KCNQ5: variants seen among roughly 807,000 people sequenced by gnomAD.
The protein encoded by KCNQ5 is potassium voltage-gated channel subfamily KQT member 5.
KCNQ5 carries 30 observed loss-of-function variants against 98.2 expected under a neutral mutation model. That is an observed-to-expected ratio of 0.31 (90% confidence interval 0.23 to 0.41). The LOEUF (loss-of-function observed/expected upper bound fraction) is 0.41. Ranked by LOEUF, KCNQ5 falls within the 10% of genes least tolerant of loss-of-function variation. KCNQ5 has a pLI of 1.00. For missense variants in KCNQ5, 835 were observed against 1,182.5 expected (o/e 0.71, Z 4.31); for synonymous variants, 458 against 449.4 (o/e 1.02, Z -0.24).
At chr6:72,636,182 A>G (rs1478451633) in intron 1 of KCNQ5, among the ~76,000 whole-genome samples, 4 of 152,206 alleles carry the variant, frequency 2.6e-5, no homozygotes, top group African/African-American at 9.6e-5. Context: ...ATGTGGAATT[A>G]TTATATAAAA....
intron 1 of KCNQ5, among the ~76,000 whole-genome samples, chr6:72,798,226 A>G (rs1371105459): frequency 1.3e-5 from 2 of 152,180 alleles, no homozygotes; most frequent in Admixed American, 1.3e-4. Flanking sequence ...TCTTATCTCA[A>G]TATTTCCTTG....
chr6:73,187,894 C>G (rs1223041895), intron 11 of KCNQ5, among the ~76,000 whole-genome samples: 1 of 152,108 alleles, frequency 6.6e-6, no homozygotes, highest in Non-Finnish European at 1.5e-5. Flanking sequence ...CAACAAGCAA[C>G]TTTTGATGAA....
At position 73,063,686 on chromosome 6, in the gene KCNQ5, T is replaced by TAGATAGATAGATGATAGATAGATA. The variant is rs55995543; in HGVS notation, c.617-13636_617-13635insAGATAGATAGATGATAGATAGATA. ...GATAGATGATAGATAGATAGATAGA[T>TAGATAGATAGATGATAGATAGATA]GATAGATAGATAGATAGATAGATAG... On this transcript the variant is annotated intron_variant, in intron 3 of 13. Coordinates refer to ENST00000370398, the MANE Select transcript of KCNQ5 (RefSeq NM_019842.4). Among the ~76,000 whole-genome samples the TAGATAGATAGATGATAGATAGATA allele has an allele frequency of 2.5e-4, 23 of 93,288 alleles. 1 individual carries two copies. The highest frequency in any genetic ancestry group is 1.4e-3 in the South Asian group (3 of 2,174). The allele number at this position is 93,288 out of a possible 152,430, so 61.2% of individuals were successfully genotyped here. A position where few individuals can be genotyped will look rare whatever the true frequency, so the allele number is the denominator to read the frequency against.
intron 1 of KCNQ5, among the ~76,000 whole-genome samples, chr6:72,730,028 G>A (rs1407982255): frequency 2.0e-5 from 3 of 152,084 alleles, no homozygotes; most frequent in Non-Finnish European, 4.4e-5. Flanking sequence ...ATGGTGATGT[G>A]AACCTGTACT....
intron 1 of KCNQ5, among the ~76,000 whole-genome samples, chr6:72,736,517 T>TTTTTTTTTTA (rs1770844667): frequency 2.1e-5 from 3 of 145,246 alleles, no homozygotes; most frequent in African/African-American, 8.0e-5. Flanking sequence ...TTTTTTTTTT[T>TTTTTTTTTTA]GAGACGGAGT....
intron 1 of KCNQ5, among the ~76,000 whole-genome samples, chr6:72,803,920 GATAAA>G (rs1273688013): frequency 3.9e-5 from 6 of 152,158 alleles, no homozygotes; most frequent in East Asian, 1.9e-4. Flanking sequence ...CATTTCAGGA[GATAAA>G]ATAAAGCATA....
intron 1 of KCNQ5, among the ~76,000 whole-genome samples, chr6:72,709,816 T>TA (rs200439046): frequency 2.0e-5 from 3 of 152,078 alleles, no homozygotes; most frequent in Admixed American, 1.3e-4. Context: ...ATTAATTTAT[T>TA]AAAAAAATGT....
At chr6:73,139,262 A>C (rs1250542662) in intron 10 of KCNQ5, among the ~76,000 whole-genome samples, 2 of 152,122 alleles carry the variant, frequency 1.3e-5, no homozygotes, top group African/African-American at 4.8e-5. Context: ...TAAAACAATC[A>C]CCAGCATGGA....
At chr6:73,034,762 A>G (rs532221691) in intron 2 of KCNQ5, among the ~76,000 whole-genome samples, 1 of 152,282 alleles carries the variant, frequency 6.6e-6, no homozygotes, top group East Asian at 1.9e-4. Flanking sequence ...TGCCTGGAAA[A>G]GAGGGTTAAT....
At chr6:72,854,055 T>G (rs553138916) in intron 1 of KCNQ5, among the ~76,000 whole-genome samples, 1 of 152,188 alleles carries the variant, frequency 6.6e-6, no homozygotes, top group Non-Finnish European at 1.5e-5. Context: ...TAGTGAAGTA[T>G]CTGTGCAATG....
At chr6:72,833,375 AT>A (rs1387017254) in intron 1 of KCNQ5, among the ~76,000 whole-genome samples, 3 of 152,172 alleles carry the variant, frequency 2.0e-5, no homozygotes, top group Non-Finnish European at 4.4e-5. Context: ...ATTATTCAGC[AT>A]TGCTTGCTTA....
chr6:73,067,583 T>C (rs987541658), intron 3 of KCNQ5, among the ~76,000 whole-genome samples: 9 of 152,102 alleles, frequency 5.9e-5, no homozygotes, highest in African/African-American at 2.2e-4. Context: ...CTGTTGCACA[T>C]GAAGTTTATA....
chr6:72,810,843 C>G (rs1007300318), intron 1 of KCNQ5, among the ~76,000 whole-genome samples: 2 of 152,184 alleles, frequency 1.3e-5, no homozygotes, highest in African/African-American at 4.8e-5. Context: ...TAACAATTTT[C>G]CCCAGCTACA....
intron 1 of KCNQ5, among the ~76,000 whole-genome samples, chr6:72,997,002 A>G (rs959128189): frequency 3.9e-5 from 6 of 152,188 alleles, no homozygotes; most frequent in Non-Finnish European, 8.8e-5. Flanking sequence ...ATCCTGACCA[A>G]GGAGTAAAGG....
chr6:72,995,691 G>C (rs568352127), intron 1 of KCNQ5, among the ~76,000 whole-genome samples: 2 of 152,238 alleles, frequency 1.3e-5, no homozygotes, highest in African/African-American at 4.8e-5. Context: ...AACATTAGGA[G>C]GTTCTTGTTT....
chr6:72,724,425 T>C (rs1444676493), intron 1 of KCNQ5, among the ~76,000 whole-genome samples: 1 of 152,236 alleles, frequency 6.6e-6, no homozygotes, highest in African/African-American at 2.4e-5. Flanking sequence ...GGATTAAATT[T>C]ACCTGAAAGG....
intron 1 of KCNQ5, among the ~76,000 whole-genome samples, chr6:72,636,519 T>C (rs2098924220): frequency 6.6e-6 from 1 of 152,242 alleles, no homozygotes; most frequent in African/African-American, 2.4e-5. Flanking sequence ...AAGGCTTCTA[T>C]TTCTCTAAAC....
intron 2 of KCNQ5, among the ~76,000 whole-genome samples, chr6:73,007,101 C>T (rs1274343381): frequency 6.6e-6 from 1 of 152,176 alleles, no homozygotes; most frequent in Non-Finnish European, 1.5e-5. Context: ...GGAAGTCTCC[C>T]CTCATTTCCA....
intron 1 of KCNQ5, among the ~76,000 whole-genome samples, chr6:72,832,043 A>G (rs1338397890): frequency 1.3e-5 from 2 of 152,196 alleles, no homozygotes; most frequent in Non-Finnish European, 2.9e-5. Context: ...TTAATTGCCT[A>G]CAGGTGATAA....
Sources: gnomAD v4.1 joint callset for allele counts (sites outside exome capture counted in the v4.1 genomes callset) on GRCh38, gnomAD v4.1.1 for gene constraint, MANE v1.5 for transcripts, NCBI Gene and HGNC (gene_info 2026-07-23, HGNC 2026-07-21) for gene names.